Variants in SFI1 observed in about 807,000 individuals in gnomAD.
The protein encoded by SFI1 is SFI1 centrin binding protein, also known as protein SFI1 homolog.
A neutral mutation model predicts 207.5 loss-of-function variants in SFI1; 195 were observed. The observed-to-expected ratio is 0.94, with a 90% confidence interval of 0.84 to 1.06. SFI1 has a LOEUF of 1.06. SFI1 is among the 50% of genes least tolerant of loss of function. The pLI is 0.00. For synonymous variants in SFI1, 630 were observed against 598.9 expected (o/e 1.05, Z -0.76); for missense variants, 1,634 against 1,588.0 (o/e 1.03, Z -0.49).
At position 31,603,398 on chromosome 22, in the gene SFI1, T is replaced by TCACTATAGA. The variant is rs199597058; in HGVS notation, c.1806-345_1806-337dup. Among the ~76,000 whole-genome samples the TCACTATAGA allele has an allele frequency of 1.4e-3, 220 of 152,220 alleles. No individual in the cohort carries two copies. The East Asian group carries it at 0.031, about 21-fold the overall frequency. ...AGAGAGAGGAGGGGAGGCAGCCCAGTCACTATAGAGACTGTCCTGCTTTGG... is the reference window on the plus strand; with the variant it reads ...AGAGAGAGGAGGGGAGGCAGCCCAGTCACTATAGACACTATAGAGACTGTCCTGCTTTGG... On this transcript the variant is annotated intron_variant, in intron 17 of 32. Transcript: ENST00000400288.
At chr22:31,538,487 A>G (rs573565528) in intron 4 of SFI1, 1 of 153,720 alleles carries the variant, frequency 6.5e-6, no homozygotes, top group African/African-American at 2.4e-5. Flanking sequence ...ATATTAAGGT[A>G]GCTTCATATA....
At chr22:31,512,242 C>T (rs1232278534) in intron 2 of SFI1, among the ~76,000 whole-genome samples, 1 of 151,270 alleles carries the variant, frequency 6.6e-6, no homozygotes, top group Non-Finnish European at 1.5e-5. Flanking sequence ...GTAATCCCAG[C>T]TATTGGGGAG....
intron 2 of SFI1, among the ~76,000 whole-genome samples, chr22:31,523,020 A>C (rs1386142571): frequency 6.6e-6 from 1 of 152,126 alleles, no homozygotes; most frequent in East Asian, 1.9e-4. Context: ...ATCCATTATC[A>C]GTTTATGAAC....
intron 17 of SFI1, 23 bp downstream of exon 17, chr22:31,602,808 C>A: frequency 1.2e-6 from 2 of 1,606,348 alleles, no homozygotes; most frequent in Non-Finnish European, 1.7e-6. Context: ...TTCTGCCTTA[C>A]AAGCCTTTCC....
intron 8 of SFI1, among the ~76,000 whole-genome samples, chr22:31,562,437 C>CAAAAA (rs528463423): frequency 3.0e-5 from 3 of 100,000 alleles, no homozygotes; most frequent in Non-Finnish European, 6.6e-5. Flanking sequence ...GGCCCTGTCT[C>CAAAAA]AAAAAAAAAA....
chr22:31,499,984 T>TAAAA (rs77752661), intron 1 of SFI1, among the ~76,000 whole-genome samples: 2 of 117,836 alleles, frequency 1.7e-5, no homozygotes, highest in Admixed American at 9.1e-5. Flanking sequence ...GACTCCATCT[T>TAAAA]AAAAAAAAAA....
intron 4 of SFI1, among the ~76,000 whole-genome samples, chr22:31,537,628 C>G (rs1337186462): frequency 6.6e-6 from 1 of 152,168 alleles, no homozygotes; most frequent in African/African-American, 2.4e-5. Flanking sequence ...CGCCTGTAGG[C>G]CTCAGTTTTG....
In SFI1 at chr22:31,550,316, TGAG is replaced by T; in HGVS notation, c.515_517del (p.Arg172del). The T allele has an allele frequency of 4.3e-6, 7 of 1,614,102 alleles. No homozygotes were observed. The highest frequency in any genetic ancestry group is 5.1e-6 in the Non-Finnish European group (6 of 1,179,988). On this transcript the variant is annotated inframe_deletion, in exon 6 of 33. Coordinates refer to ENST00000400288, the MANE Select transcript of SFI1 (RefSeq NM_001007467.3). ...ACCTATGTGCGTCAGCAGCAGGAGA[TGAG>T]GAACAAGTACATTAGAGCCGAGGTT... is the stretch of plus-strand genomic sequence containing the variant.
intron 31 of SFI1, among the ~76,000 whole-genome samples, chr22:31,617,720 CAAA>C (rs200768810): frequency 1.6e-5 from 2 of 127,420 alleles, no homozygotes; most frequent in African/African-American, 5.8e-5. Flanking sequence ...CACTCCATCT[CAAA>C]AAAAAAAAAA....
intron 4 of SFI1, among the ~76,000 whole-genome samples, chr22:31,541,107 A>G (rs1239170960): frequency 6.6e-6 from 1 of 152,030 alleles, no homozygotes. Flanking sequence ...AGGCTTGCAA[A>G]CAGTCCTGTG....
chr22:31,588,835 CA>C (rs943824479), intron 14 of SFI1, among the ~76,000 whole-genome samples: 2 of 149,932 alleles, frequency 1.3e-5, no homozygotes, highest in Non-Finnish European at 3.0e-5. Flanking sequence ...CAAAAAACAA[CA>C]AAAAAAACAA....
At chr22:31,545,387 T>A (rs1270063377) in intron 4 of SFI1, among the ~76,000 whole-genome samples, 3 of 150,016 alleles carry the variant, frequency 2.0e-5, no homozygotes, top group African/African-American at 4.9e-5. Context: ...AAAAAAAAAA[T>A]TTGTAGAGCT....
chr22:31,541,561 C>T (rs1202717738), intron 4 of SFI1, among the ~76,000 whole-genome samples: 1 of 151,470 alleles, frequency 6.6e-6, no homozygotes, highest in African/African-American at 2.4e-5. Context: ...CAAGACCAGC[C>T]TGGCCAACAT....
chr22:31,616,939 C>T (rs747646485), intron 30 of SFI1, 61 bp from the exon 31 acceptor site: 63 of 1,612,664 alleles, frequency 3.9e-5, no homozygotes, highest in Non-Finnish European at 5.0e-5. Context: ...CTGGGACTTG[C>T]TATTTACCCT....
intron 14 of SFI1, among the ~76,000 whole-genome samples, chr22:31,585,860 C>T (rs886213648): frequency 1.3e-5 from 2 of 152,064 alleles, no homozygotes; most frequent in South Asian, 2.1e-4. Flanking sequence ...GAGAAGTGCC[C>T]CCTTTTTGGT....
intron 14 of SFI1, chr22:31,587,770 T>C (rs1474241492): frequency 6.6e-6 from 1 of 152,210 alleles, no homozygotes; most frequent in Non-Finnish European, 1.5e-5. Context: ...TTCATTATAC[T>C]GTCGGCTTCT....
chr22:31,613,453 G>C lies in SFI1; in HGVS notation c.2665G>C (p.Gly889Arg), dbSNP rs543077918. 1 of 1,606,100 alleles carries C rather than the reference G, an allele frequency of 6.2e-7. No homozygotes were observed. Among genetic ancestry groups the C allele is most frequent in the African/African-American group, 1.3e-5 (1 of 75,044 alleles). Residue 889 changes from glycine to arginine, a missense_variant, in exon 26 of 33, where the codon GGT (glycine) becomes CGT (arginine). Transcript: ENST00000400288. ...CTACCAGGGGCAGCTCCTCCAGGAG[G>C]GTGCCACGCGGCTCCTGCGCTTTGC... is the stretch of plus-strand genomic sequence containing the variant. The part of the protein sequence containing the change: ...QAYQGQLLQE[G>R]ATRLLRFAAS...
rs1056443782 is a variant in SFI1, at chr22:31,611,146, G to C, written c.2258G>C (p.Cys753Ser). The C allele has an allele frequency of 6.2e-7, 1 of 1,614,208 alleles. No homozygotes were observed. The highest frequency in any genetic ancestry group is 1.1e-5 in the South Asian group (1 of 91,082). ...CTCTGACTTGGATCTGCCTTAGGCT[G>C]TCTGCGGACCTGGTTTCAGCGCTGG... ...WEAQKVLDRG[C>S]LRTWFQRWWD... The change falls in exon 23 of 33, where the codon TGT becomes TCT. Residue 753 changes from cysteine (C) to serine (S), a missense_variant. Cys to Ser is a moderately radical substitution (Grantham distance 112, BLOSUM62 -1). Transcript: ENST00000400288.
intron 11 of SFI1, among the ~76,000 whole-genome samples, chr22:31,579,346 CG>C (rs1438579813): frequency 6.6e-6 from 1 of 150,516 alleles, no homozygotes; most frequent in Non-Finnish European, 1.5e-5. Flanking sequence ...GACAGAGTCT[CG>C]CTCTGTCACC....
Sources: gnomAD v4.1 joint callset for allele counts (sites outside exome capture counted in the v4.1 genomes callset) on GRCh38, gnomAD v4.1.1 for gene constraint, MANE v1.5 for transcripts, NCBI Gene and HGNC (gene_info 2026-07-23, HGNC 2026-07-21) for gene names.